The following GPC5 variants were observed in gnomAD, a reference collection of about 807,000 sequenced individuals.
The protein encoded by GPC5 is glypican-5.
In GPC5, 47 loss-of-function variants were observed where a neutral mutation model predicts 53.9. That is an observed-to-expected ratio of 0.87 (90% CI 0.69 to 1.11). The LOEUF is 1.11. Among genes scored for constraint, GPC5 ranks in the 50% most tolerant of loss-of-function variants. The probability of loss-of-function intolerance (pLI) is 0.00; values close to 1 mark genes in which losing one functional copy is unlikely to be tolerated. For missense variants in GPC5, 748 were observed against 713.1 expected (o/e 1.05, Z -0.56); for synonymous variants, 286 against 263.3 (o/e 1.09, Z -0.84).
chr13:92,353,095 C>G (rs931230250), intron 7 of GPC5, among the ~76,000 whole-genome samples: 1 of 151,190 alleles, frequency 6.6e-6, no homozygotes, highest in South Asian at 2.1e-4. Context: ...CCCGTCTCTA[C>G]TAAAAATACA....
intron 7 of GPC5, among the ~76,000 whole-genome samples, chr13:92,562,510 T>A (rs1470245662): frequency 6.6e-6 from 1 of 152,098 alleles, no homozygotes; most frequent in African/African-American, 2.4e-5. Flanking sequence ...TGTAGATTCC[T>A]GGTTTCTTAA....
At chr13:92,583,031 T>C (rs1883420450) in intron 7 of GPC5, among the ~76,000 whole-genome samples, 1 of 152,236 alleles carries the variant, frequency 6.6e-6, no homozygotes, top group East Asian at 1.9e-4. Flanking sequence ...CCATGTTGAA[T>C]GAAAGTGGTA....
chr13:91,958,739 A>T (rs1418109898), intron 6 of GPC5, among the ~76,000 whole-genome samples: 1 of 152,094 alleles, frequency 6.6e-6, no homozygotes, highest in Non-Finnish European at 1.5e-5. Flanking sequence ...AGGAAACTGT[A>T]CAAATACATG....
chr13:91,726,498 C>G (rs1042690793), intron 3 of GPC5, among the ~76,000 whole-genome samples: 1 of 152,202 alleles, frequency 6.6e-6, no homozygotes, highest in Admixed American at 6.5e-5. Flanking sequence ...AAAATCTTTT[C>G]TCTGACTTAC....
At chr13:92,637,271 T>C (rs552546815) in intron 7 of GPC5, among the ~76,000 whole-genome samples, 1 of 152,268 alleles carries the variant, frequency 6.6e-6, no homozygotes, top group East Asian at 1.9e-4. Context: ...GAAAGAGAAG[T>C]CAGCAAGACT....
At chr13:91,770,458 G>C (rs1473811220) in intron 5 of GPC5, among the ~76,000 whole-genome samples, 1 of 152,024 alleles carries the variant, frequency 6.6e-6, no homozygotes, top group Non-Finnish European at 1.5e-5. Flanking sequence ...TTTTTCTGGT[G>C]ACCAGCCCCC....
chr13:91,994,058 T>C (rs1352690045), intron 6 of GPC5, among the ~76,000 whole-genome samples: 1 of 152,218 alleles, frequency 6.6e-6, no homozygotes, highest in African/African-American at 2.4e-5. Context: ...AACGTTGAGA[T>C]GTTTTACTGA....
intron 2 of GPC5, among the ~76,000 whole-genome samples, chr13:91,688,216 G>T (rs1409945430): frequency 2.0e-5 from 3 of 152,020 alleles, no homozygotes. Flanking sequence ...TTAAAAATTA[G>T]TACAAAATTA....
chr13:91,719,853 C>G (rs1259946127), intron 3 of GPC5, among the ~76,000 whole-genome samples: 14 of 150,930 alleles, frequency 9.3e-5, no homozygotes, highest in Admixed American at 7.3e-4. Flanking sequence ...TCTTATTTCT[C>G]TCTTTACTAA....
At chr13:92,866,133 T>C in intron 7 of GPC5, 149 bp from the exon 8 acceptor site, 1 of 500,482 alleles carries the variant, frequency 2.0e-6, no homozygotes, top group Non-Finnish European at 3.3e-6. Flanking sequence ...CAGAAATACC[T>C]GTGTCATATT....
At chr13:92,519,802 G>A (rs1377601912) in intron 7 of GPC5, among the ~76,000 whole-genome samples, 1 of 152,082 alleles carries the variant, frequency 6.6e-6, no homozygotes, top group Non-Finnish European at 1.5e-5. Flanking sequence ...AGGAGATAGA[G>A]ACACAAAAAA....
chr13:91,705,693 A>ACCC (rs34721619), intron 3 of GPC5, among the ~76,000 whole-genome samples: 17 of 113,580 alleles, frequency 1.5e-4, no homozygotes, highest in Non-Finnish European at 2.3e-4. Context: ...CTCTAAAAAC[A>ACCC]CCCCCCCCCC....
intron 7 of GPC5, among the ~76,000 whole-genome samples, chr13:92,498,153 C>G (rs907049062): frequency 3.3e-5 from 5 of 152,062 alleles, no homozygotes; most frequent in East Asian, 1.9e-4. Flanking sequence ...AACTAAAGTA[C>G]ACTTGGAAGA....
intron 7 of GPC5, among the ~76,000 whole-genome samples, chr13:92,164,481 A>G (rs1276369090): frequency 6.6e-6 from 1 of 152,192 alleles, no homozygotes; most frequent in Non-Finnish European, 1.5e-5. Flanking sequence ...CTTTGACTCC[A>G]TCTCTCACAT....
intron 2 of GPC5, among the ~76,000 whole-genome samples, chr13:91,512,545 C>A (rs971867028): frequency 6.6e-6 from 1 of 152,216 alleles, no homozygotes; most frequent in African/African-American, 2.4e-5. Flanking sequence ...CTGCACTTGG[C>A]AAAGGCCCTG....
At chr13:91,924,283 A>G (rs1278414984) in intron 6 of GPC5, among the ~76,000 whole-genome samples, 1 of 152,228 alleles carries the variant, frequency 6.6e-6, no homozygotes, top group Non-Finnish European at 1.5e-5. Flanking sequence ...TTGAGTAGCA[A>G]AATTATTTTA....
rs541317928 is a variant in GPC5 at position 92,001,832 on chromosome 13, A to G, written c.1401+93775A>G. ...AGCATATTAGATACAACAAAAGAAA[A>G]TATTAGTGAATTGGAAGGCATATTA... On this transcript the variant is annotated intron_variant, in intron 6 of 7. Transcript: ENST00000377067. 3.9e-5 allele frequency among the ~76,000 whole-genome samples: 6 copies of G among 152,324 alleles called. No homozygotes were observed. In the South Asian group the frequency reaches 8.3e-4, roughly 21 times the overall value.
intron 7 of GPC5, among the ~76,000 whole-genome samples, chr13:92,644,267 A>G (rs1282984787): frequency 6.6e-6 from 1 of 152,226 alleles, no homozygotes; most frequent in Non-Finnish European, 1.5e-5. Flanking sequence ...CTCAAGGTAA[A>G]TACCTGTACC....
At chr13:92,161,042 T>G (rs1323450526) in intron 7 of GPC5, among the ~76,000 whole-genome samples, 3 of 3,274 alleles carry the variant, frequency 9.2e-4, no homozygotes, top group African/African-American at 2.9e-3. Context: ...CAAAAGTGTT[T>G]TTTTTTTTTT....
Sources: allele counts gnomAD v4.1 joint callset (sites outside exome capture counted in the v4.1 genomes callset), GRCh38; gene constraint gnomAD v4.1.1; transcripts MANE v1.5; gene names NCBI Gene and HGNC (gene_info 2026-07-23, HGNC 2026-07-21).